The following MAST4 variants were observed in gnomAD, a reference collection of about 807,000 sequenced individuals.
MAST4 encodes microtubule-associated serine/threonine-protein kinase 4.
In MAST4, 89 loss-of-function variants were observed where a neutral mutation model predicts 162.7. The observed-to-expected ratio is 0.55, with a 90% CI of 0.46 to 0.65. The LOEUF (loss-of-function observed/expected upper bound fraction) is 0.65. Among genes scored for constraint, MAST4 ranks in the 30% least tolerant of loss-of-function variants. MAST4 has a pLI of 0.00. For synonymous variants in MAST4, 1,479 were observed against 1,361.1 expected (o/e 1.09, Z -1.91); for missense variants, 3,153 against 3,374.0 (o/e 0.93, Z 1.62).
Position 67,104,294 on chromosome 5 carries a change from A to G in MAST4, c.1147-72A>G, listed in dbSNP as rs945987429. ...GGAGGTCTCTGAAAATGCTGTAAAA[A>G]TGTGATGATTGAATTGTTTACATGT... On this transcript the variant is annotated intron_variant, in intron 9 of 28. Transcript: ENST00000403625. 9 of 1,205,944 alleles carry G rather than the reference A, an allele frequency of 7.5e-6. No homozygotes were observed. In the African/African-American group the frequency reaches 1.2e-4, roughly 16 times the overall value. 74.7% of individuals were successfully genotyped at this position (1,205,944 alleles called of 1,614,324 possible). A position where few individuals can be genotyped will look rare whatever the true frequency, so the allele number is the denominator to read the frequency against.
intron 3 of MAST4, chr5:66,792,105 A>G (rs1183609081): frequency 1.2e-5 from 2 of 164,048 alleles, no homozygotes; most frequent in African/African-American, 2.4e-5. Context: ...GATTACAACT[A>G]ATAGACCTGA....
intron 1 of MAST4, among the ~76,000 whole-genome samples, chr5:66,632,649 GCT>G (rs1278396894): frequency 6.6e-6 from 1 of 152,060 alleles, no homozygotes; most frequent in African/African-American, 2.4e-5. Context: ...GATAAAGTGA[GCT>G]CTCTCTGTGT....
chr5:66,782,878 C>T (rs1754941443), intron 2 of MAST4, among the ~76,000 whole-genome samples: 2 of 152,098 alleles, frequency 1.3e-5, no homozygotes, highest in African/African-American at 4.8e-5. Context: ...TGCATGAATA[C>T]GACAGCAACA....
At chr5:66,826,338 T>A (rs1427379006) in intron 3 of MAST4, among the ~76,000 whole-genome samples, 1 of 151,840 alleles carries the variant, frequency 6.6e-6, no homozygotes, top group South Asian at 2.1e-4. Flanking sequence ...ATTCCTTTGT[T>A]AAGAAACATA....
At chr5:66,670,088 A>T (rs1161288970) in intron 1 of MAST4, among the ~76,000 whole-genome samples, 1 of 152,240 alleles carries the variant, frequency 6.6e-6, no homozygotes, top group African/African-American at 2.4e-5. Context: ...GGTGAGTTCC[A>T]GCGAAGGTGT....
chr5:66,596,994 G>C lies in MAST4; in HGVS notation c.339G>C (p.Ala113=). 1 of 1,449,904 alleles carries C rather than the reference G, an allele frequency of 6.9e-7. No homozygotes were observed. Among genetic ancestry groups the C allele is most frequent in the Non-Finnish European group, 9.0e-7 (1 of 1,107,364 alleles). The allele number at this position is 1,449,904 out of a possible 1,614,324, so 89.8% of individuals were successfully genotyped here. A position where few individuals can be genotyped will look rare whatever the true frequency, so the allele number is the denominator to read the frequency against. ...AVPPAPRGSS[A]SQEEQDEELD... is the part of the protein sequence containing the mutation. The stretch of plus-strand genomic sequence containing the variant: ...CGCCCGCGCCCCGGGGCAGCAGCGC[G>C]TCCCAGGAGGAGCAGGACGAGGAGG... The change falls in exon 1 of 29, where the codon GCG becomes GCC. Residue 113 remains alanine (A), a synonymous_variant. Coordinates refer to ENST00000403625, the MANE Select transcript of MAST4 (RefSeq NM_001164664.2).
intron 4 of MAST4, among the ~76,000 whole-genome samples, chr5:66,948,690 G>A (rs1157777732): frequency 6.6e-6 from 1 of 152,084 alleles, no homozygotes; most frequent in African/African-American, 2.4e-5. Context: ...TTCTTAAGAT[G>A]GCCCAGAGTA....
At chr5:67,054,675 G>C (rs750635505) in intron 5 of MAST4, among the ~76,000 whole-genome samples, 183 bp downstream of exon 5, 2 of 152,080 alleles carry the variant, frequency 1.3e-5, no homozygotes, top group African/African-American at 4.8e-5. Flanking sequence ...TTCAGTGTTT[G>C]GACTCTAAAA....
At chr5:66,898,693 C>A (rs1461330918) in intron 3 of MAST4, among the ~76,000 whole-genome samples, 2 of 152,190 alleles carry the variant, frequency 1.3e-5, no homozygotes, top group Admixed American at 6.5e-5. Flanking sequence ...TGAAAGAAGA[C>A]GACACTTCAT....
At position 67,035,849 on chromosome 5, in the gene MAST4, T is replaced by G. The variant is rs530316999; in HGVS notation, c.675-18555T>G. 4.6e-5 allele frequency among the ~76,000 whole-genome samples: 7 copies of G among 152,226 alleles called. No homozygotes were observed. The East Asian group carries it at 1.2e-3, about 25-fold the overall frequency. On this transcript the variant is annotated intron_variant, in intron 4 of 28. Transcript: ENST00000403625. ...CTACATGATCAGACACTACTGCATT[T>G]AAATCGTGTCTAGGGTACTTATAAC...
chr5:66,971,666 T>C (rs545848774), intron 4 of MAST4, among the ~76,000 whole-genome samples: 2 of 152,232 alleles, frequency 1.3e-5, no homozygotes, highest in East Asian at 3.8e-4. Context: ...TATATTGAAA[T>C]TATTCTATGG....
chr5:67,009,879 A>G (rs1333952649), intron 4 of MAST4, among the ~76,000 whole-genome samples: 2 of 152,156 alleles, frequency 1.3e-5, no homozygotes, highest in Non-Finnish European at 2.9e-5. Flanking sequence ...TAAAGAATGA[A>G]GTGAGATTGT....
chr5:66,793,215 A>T (rs1039585784), intron 3 of MAST4, among the ~76,000 whole-genome samples: 2 of 152,236 alleles, frequency 1.3e-5, no homozygotes, highest in African/African-American at 4.8e-5. Context: ...TTTCCCAGAC[A>T]CATTGGGCAT....
intron 4 of MAST4, among the ~76,000 whole-genome samples, chr5:66,904,212 C>T (rs1763196670): frequency 6.6e-6 from 1 of 152,078 alleles, no homozygotes; most frequent in African/African-American, 2.4e-5. Flanking sequence ...GATGTGAGTC[C>T]AAGATGATTA....
Position 66,698,156 on chromosome 5 carries a change from C to T in MAST4, c.364-61553C>T, listed in dbSNP as rs1466063947. Among the ~76,000 whole-genome samples, 23 of 151,964 alleles carry T rather than the reference C, an allele frequency of 1.5e-4. 1 individual carries two copies. Among genetic ancestry groups the T allele is most frequent in the Non-Finnish European group, 3.4e-4 (23 of 68,008 alleles). ...GACTCCTGCAAAATCCCTTGCCTCT[C>T]TCTCACCTGATGGACTGGGCTTAAC... On this transcript the variant is annotated intron_variant, in intron 1 of 28. Transcript: ENST00000403625.
chr5:66,759,648 T>C (rs140902655), intron 1 of MAST4, 61 bp from the exon 2 acceptor site: 647 of 1,552,638 alleles, frequency 4.2e-4, no homozygotes, highest in Admixed American at 5.5e-4. Context: ...GAATGATTGG[T>C]CTTTCATTCT....
At chr5:66,822,676 T>C (rs1422947271) in intron 3 of MAST4, among the ~76,000 whole-genome samples, 1 of 152,182 alleles carries the variant, frequency 6.6e-6, no homozygotes, top group African/African-American at 2.4e-5. Flanking sequence ...CGTTTCTCTC[T>C]TATAGGCACA....
chr5:66,833,307 T>A (rs1270560357), intron 3 of MAST4, among the ~76,000 whole-genome samples: 2 of 152,172 alleles, frequency 1.3e-5, no homozygotes, highest in African/African-American at 4.8e-5. Context: ...ACCCTGTCAA[T>A]TCTACCATCA....
At chr5:67,097,704 A>G (rs531563741) in intron 7 of MAST4, among the ~76,000 whole-genome samples, 2 of 152,246 alleles carry the variant, frequency 1.3e-5, no homozygotes, top group Admixed American at 6.5e-5. Context: ...CGTTAGTATC[A>G]TATAATTATT....
Sources: allele counts gnomAD v4.1 joint callset (sites outside exome capture counted in the v4.1 genomes callset), GRCh38; gene constraint gnomAD v4.1.1; transcripts MANE v1.5; gene names NCBI Gene and HGNC (gene_info 2026-07-23, HGNC 2026-07-21).